The following ATP8A2 variants were observed in gnomAD, a reference collection of about 807,000 sequenced individuals.
ATP8A2 encodes phospholipid-transporting ATPase IB.
In ATP8A2, 100 loss-of-function variants were observed where a neutral mutation model predicts 165.6. The ratio of observed to expected loss-of-function variants is 0.60; its 90% CI spans 0.51 to 0.71. The LOEUF is 0.71. Ranked by LOEUF, ATP8A2 falls within the 30% of genes least tolerant of loss-of-function variation. The probability of loss-of-function intolerance (pLI) is 0.00; values close to 1 mark genes in which losing one functional copy is unlikely to be tolerated. For missense variants in ATP8A2, 1,227 were observed against 1,479.5 expected, an observed-to-expected ratio of 0.83 and a Z score of 2.80; for synonymous variants, 543 against 548.8, an observed-to-expected ratio of 0.99 and a Z score of 0.15.
chr13:25,795,164 A>G (rs1469581717), intron 27 of ATP8A2, among the ~76,000 whole-genome samples: 1 of 152,112 alleles, frequency 6.6e-6, no homozygotes, highest in Non-Finnish European at 1.5e-5. Flanking sequence ...GTAGCAGGGA[A>G]TTTTCTTGCA....
chr13:25,658,801 G>A (rs563439803), intron 24 of ATP8A2, among the ~76,000 whole-genome samples: 1 of 152,096 alleles, frequency 6.6e-6, no homozygotes, highest in Non-Finnish European at 1.5e-5. Flanking sequence ...TCTAACAAGA[G>A]CCCAAATTCC....
At chr13:25,671,902 C>T (rs767000808) in intron 24 of ATP8A2, among the ~76,000 whole-genome samples, 14 of 152,132 alleles carry the variant, frequency 9.2e-5, no homozygotes, top group East Asian at 3.9e-4. Flanking sequence ...AAAAACTTGC[C>T]GGTTTTTGCA....
intron 25 of ATP8A2, among the ~76,000 whole-genome samples, chr13:25,731,527 T>A (rs903568967): frequency 8.6e-5 from 13 of 151,830 alleles, no homozygotes; most frequent in African/African-American, 3.1e-4. Context: ...GGCCAAAGAA[T>A]GCTTTTTATT....
chr13:25,679,879 A>C (rs555221918), intron 24 of ATP8A2, among the ~76,000 whole-genome samples: 2 of 152,188 alleles, frequency 1.3e-5, no homozygotes, highest in African/African-American at 4.8e-5. Flanking sequence ...GATTAGGAAA[A>C]ATAGGAGGTC....
chr13:25,471,648 G>A (rs969148724), intron 2 of ATP8A2, among the ~76,000 whole-genome samples: 2 of 152,300 alleles, frequency 1.3e-5, no homozygotes, highest in Non-Finnish European at 2.9e-5. Flanking sequence ...CAGCTGGAAG[G>A]TAAAGATTTT....
chr13:25,682,820 A>G (rs1203460899), intron 24 of ATP8A2, among the ~76,000 whole-genome samples: 1 of 152,184 alleles, frequency 6.6e-6, no homozygotes, highest in Non-Finnish European at 1.5e-5. Context: ...ACTATGAAGT[A>G]GTGCTCTCAC....
intron 1 of ATP8A2, among the ~76,000 whole-genome samples, chr13:25,455,666 T>A (rs61947621): frequency 0.032 from 4,866 of 152,292 alleles, 94 homozygotes; most frequent in Non-Finnish European, 0.041. Context: ...CTCTTGTCTT[T>A]CCTATCCCTG....
At chr13:25,744,229 G>T (rs1192809439) in intron 25 of ATP8A2, among the ~76,000 whole-genome samples, 1 of 152,146 alleles carries the variant, frequency 6.6e-6, no homozygotes, top group Non-Finnish European at 1.5e-5. Context: ...ACTTAATCCT[G>T]AAACTGTATG....
intron 10 of ATP8A2, among the ~76,000 whole-genome samples, chr13:25,545,517 A>G (rs1464855497): frequency 6.6e-6 from 1 of 152,022 alleles, no homozygotes; most frequent in African/African-American, 2.4e-5. Flanking sequence ...AAAAAAAAAA[A>G]TAGTTTAGTA....
At chr13:25,866,383 T>C (rs1336706271) in intron 33 of ATP8A2, among the ~76,000 whole-genome samples, 1 of 152,242 alleles carries the variant, frequency 6.6e-6, no homozygotes, top group African/African-American at 2.4e-5. Context: ...AAAACATGGA[T>C]GCTCTTCTTT....
intron 24 of ATP8A2, among the ~76,000 whole-genome samples, chr13:25,662,377 G>A (rs758200802): frequency 2.0e-5 from 3 of 152,084 alleles, no homozygotes; most frequent in Non-Finnish European, 4.4e-5. Context: ...AGAATTCATA[G>A]GCTTAGCATG....
At chr13:25,946,241 T>C (rs1468190630) in intron 33 of ATP8A2, among the ~76,000 whole-genome samples, 1 of 152,180 alleles carries the variant, frequency 6.6e-6, no homozygotes, top group African/African-American at 2.4e-5. Flanking sequence ...GGCCACTCAG[T>C]GAGTTAAGGA....
intron 1 of ATP8A2, among the ~76,000 whole-genome samples, chr13:25,429,954 T>C (rs953481784): frequency 6.6e-6 from 1 of 151,948 alleles, no homozygotes; most frequent in African/African-American, 2.4e-5. Context: ...TGAGGAGGGG[T>C]TGGGCTTTTA....
chr13:25,424,803 CA>C (rs1427792032), intron 1 of ATP8A2, among the ~76,000 whole-genome samples: 1 of 152,046 alleles, frequency 6.6e-6, no homozygotes, highest in Non-Finnish European at 1.5e-5. Flanking sequence ...ACTAAAAATA[CA>C]AAAATTAGCT....
At chr13:25,510,790 T>G (rs2037201634) in intron 2 of ATP8A2, among the ~76,000 whole-genome samples, 1 of 152,170 alleles carries the variant, frequency 6.6e-6, no homozygotes, top group Admixed American at 6.5e-5. Flanking sequence ...AAGCTCCTTA[T>G]GTATGACCAG....
At chr13:25,891,942 T>C (rs1191992592) in intron 33 of ATP8A2, among the ~76,000 whole-genome samples, 1 of 152,084 alleles carries the variant, frequency 6.6e-6, no homozygotes, top group Non-Finnish European at 1.5e-5. Flanking sequence ...TTTTGAGGCT[T>C]CATAATCTTT....
At chr13:25,478,849 G>T (rs1450331867) in intron 2 of ATP8A2, among the ~76,000 whole-genome samples, 1 of 88,114 alleles carries the variant, frequency 1.1e-5, no homozygotes, top group African/African-American at 4.4e-5. Flanking sequence ...TGTCCCATTT[G>T]TAACACTTTT....
intron 28 of ATP8A2, among the ~76,000 whole-genome samples, chr13:25,828,693 A>G (rs1290580466): frequency 6.6e-6 from 1 of 152,208 alleles, no homozygotes; most frequent in East Asian, 1.9e-4. Context: ...ACTTCCAGCT[A>G]CTGTGGAGGA....
intron 26 of ATP8A2, among the ~76,000 whole-genome samples, chr13:25,772,674 TTAAG>T (rs2044648263): frequency 6.6e-6 from 1 of 152,010 alleles, no homozygotes; most frequent in Non-Finnish European, 1.5e-5. Context: ...AATTTTTTGT[TTAAG>T]TATTGTATTT....
Sources: gnomAD v4.1 joint callset for allele counts (sites outside exome capture counted in the v4.1 genomes callset) on GRCh38, gnomAD v4.1.1 for gene constraint, MANE v1.5 for transcripts, NCBI Gene and HGNC (gene_info 2026-07-23, HGNC 2026-07-21) for gene names.